Variants in MALRD1 observed in about 807,000 individuals in gnomAD.
MALRD1 encodes MAM and LDL-receptor class A domain-containing protein 1.
Under a neutral mutation model 242.1 loss-of-function variants are expected in MALRD1, and 247 were observed. The ratio of observed to expected loss-of-function variants is 1.02; its 90% confidence interval spans 0.92 to 1.13. The LOEUF (loss-of-function observed/expected upper bound fraction) is 1.13, where lower values mean the gene tolerates loss of function less well. Among genes scored for constraint, MALRD1 ranks in the 50% most tolerant of loss-of-function variants. MALRD1 has a pLI of 0.00. For missense variants in MALRD1, 2,989 were observed against 2,533.1 expected (o/e 1.18, Z -3.86); for synonymous variants, 995 against 866.6 (o/e 1.15, Z -2.60).
chr10:19,196,433 C>A (rs1426858098), intron 14 of MALRD1, among the ~76,000 whole-genome samples: 5 of 152,142 alleles, frequency 3.3e-5, no homozygotes, highest in Non-Finnish European at 7.4e-5. Context: ...TGACCTAGAT[C>A]CAGTGACCTA....
At chr10:19,610,111 A>G (rs796261296) in intron 35 of MALRD1, among the ~76,000 whole-genome samples, 11 of 152,112 alleles carry the variant, frequency 7.2e-5, no homozygotes, top group African/African-American at 2.6e-4. Flanking sequence ...CATCATAATT[A>G]TACGTATTTA....
chr10:19,240,476 T>A (rs1170501017), intron 18 of MALRD1, among the ~76,000 whole-genome samples: 3 of 152,012 alleles, frequency 2.0e-5, no homozygotes, highest in East Asian at 3.9e-4. Context: ...TATATATAGA[T>A]GTATACATAT....
At chr10:19,192,583 T>C (rs939584317) in intron 14 of MALRD1, among the ~76,000 whole-genome samples, 7 of 152,116 alleles carry the variant, frequency 4.6e-5, no homozygotes. Context: ...GCCAGGAAGA[T>C]TTCCCCCCAC....
chr10:19,120,440 A>C (rs1034849819), intron 5 of MALRD1, among the ~76,000 whole-genome samples: 1 of 152,202 alleles, frequency 6.6e-6, no homozygotes, highest in African/African-American at 2.4e-5. Flanking sequence ...GTGACGAAAA[A>C]ACAAACAAAC....
At chr10:19,705,357 C>A (rs1833814584) in intron 38 of MALRD1, among the ~76,000 whole-genome samples, 1 of 152,124 alleles carries the variant, frequency 6.6e-6, no homozygotes, top group African/African-American at 2.4e-5. Flanking sequence ...AAATACTTAG[C>A]CTTAGCAAAC....
intron 35 of MALRD1, among the ~76,000 whole-genome samples, chr10:19,610,118 T>C (rs1838827605): frequency 6.6e-6 from 1 of 151,990 alleles, no homozygotes; most frequent in Non-Finnish European, 1.5e-5. Context: ...ATTATACGTA[T>C]TTATGAGGTA....
intron 18 of MALRD1, among the ~76,000 whole-genome samples, chr10:19,253,520 A>G (rs529648341): frequency 1.3e-5 from 2 of 151,906 alleles, no homozygotes; most frequent in African/African-American, 4.8e-5. Context: ...GCCCCCATGT[A>G]ACTAAATCAG....
chr10:19,108,262 G>A (rs981813561), intron 5 of MALRD1, among the ~76,000 whole-genome samples: 2 of 151,784 alleles, frequency 1.3e-5, no homozygotes, highest in Admixed American at 1.3e-4. Flanking sequence ...TGTTCTACTA[G>A]TGTGTTACTG....
intron 21 of MALRD1, among the ~76,000 whole-genome samples, chr10:19,309,842 C>G (rs1227991826): frequency 3.3e-5 from 5 of 151,320 alleles, no homozygotes; most frequent in Admixed American, 6.6e-5. Flanking sequence ...CGGGAAACAG[C>G]TGGCACAAAG....
chr10:19,707,244 CT>C (rs1018122752), intron 38 of MALRD1, among the ~76,000 whole-genome samples: 3 of 152,030 alleles, frequency 2.0e-5, no homozygotes, highest in African/African-American at 4.8e-5. Flanking sequence ...CCTTCTCCTT[CT>C]TCTTTCCTCC....
rs185929397 is a variant in MALRD1, at chr10:19,133,452, T to C, written c.1111-404T>C. Among the ~76,000 whole-genome samples the C allele has an allele frequency of 7.7e-4, 118 of 152,328 alleles. 1 individual carries two copies. The South Asian group carries it at 9.7e-3, about 13-fold the overall frequency. On this transcript the variant is annotated intron_variant, in intron 8 of 39. Transcript: ENST00000454679. The stretch of plus-strand genomic sequence containing the variant: ...CATCTGACAACATTTTTAACCTTTA[T>C]ATTGTTTGCCTGTAAACGTTTTCTT...
chr10:19,486,589 G>A (rs918676659), intron 29 of MALRD1, among the ~76,000 whole-genome samples: 5 of 152,062 alleles, frequency 3.3e-5, no homozygotes, highest in Non-Finnish European at 5.9e-5. Flanking sequence ...CAGGGATTAC[G>A]CCCGTTTTAA....
At chr10:19,235,187 G>C (rs983184245) in intron 18 of MALRD1, among the ~76,000 whole-genome samples, 1 of 152,090 alleles carries the variant, frequency 6.6e-6, no homozygotes, top group African/African-American at 2.4e-5. Context: ...TAGATAGGCC[G>C]CTCTTTTGGC....
chr10:19,335,148 C>G (rs187067555), intron 24 of MALRD1, among the ~76,000 whole-genome samples: 88 of 145,196 alleles, frequency 6.1e-4, no homozygotes, highest in African/African-American at 1.9e-3. Context: ...TCAGAAGGTG[C>G]TTTTTGGTGA....
chr10:19,547,818 ATTTTTTTTTTTT>A (rs869038128), intron 32 of MALRD1, among the ~76,000 whole-genome samples: 1 of 16,916 alleles, frequency 5.9e-5, no homozygotes, highest in African/African-American at 1.9e-4. Flanking sequence ...ATATATATAT[ATTTTTTTTTTTT>A]TTTTTTTTTT....
At chr10:19,719,224 A>ATT in intron 38 of MALRD1, among the ~76,000 whole-genome samples, 1 of 3,732 alleles carries the variant, frequency 2.7e-4, no homozygotes, top group Admixed American at 3.6e-3. Flanking sequence ...ACATACATAC[A>ATT]TATATATATA....
chr10:19,226,435 C>T (rs1286963673), intron 18 of MALRD1, among the ~76,000 whole-genome samples: 2 of 152,158 alleles, frequency 1.3e-5, no homozygotes, highest in South Asian at 4.1e-4. Flanking sequence ...CAATGATGTC[C>T]TCTCTCCCTA....
At chr10:19,222,348 G>A (rs1300057002) in intron 18 of MALRD1, among the ~76,000 whole-genome samples, 2 of 152,114 alleles carry the variant, frequency 1.3e-5, no homozygotes, top group African/African-American at 4.8e-5. Context: ...GATTTTTGCC[G>A]TGATTATGCT....
chr10:19,102,372 A>G (rs1836297842), intron 4 of MALRD1, among the ~76,000 whole-genome samples: 2 of 151,962 alleles, frequency 1.3e-5, no homozygotes, highest in Admixed American at 6.6e-5. Context: ...AGAAAATACG[A>G]CTTTCTTAGG....
Sources: allele counts gnomAD v4.1 joint callset (sites outside exome capture counted in the v4.1 genomes callset), GRCh38; gene constraint gnomAD v4.1.1; transcripts MANE v1.5; gene names NCBI Gene and HGNC (gene_info 2026-07-23, HGNC 2026-07-21).